CTNNA3: variants seen among roughly 807,000 people sequenced by gnomAD.
CTNNA3 encodes catenin alpha-3.
CTNNA3 carries 76 observed loss-of-function variants against 95.7 expected under a neutral mutation model. The ratio of observed to expected loss-of-function variants is 0.79; its 90% CI spans 0.66 to 0.96. The LOEUF (loss-of-function observed/expected upper bound fraction) is 0.96. CTNNA3 is among the 40% of genes least tolerant of loss of function. CTNNA3 has a pLI of 0.00. For synonymous variants in CTNNA3, 431 were observed against 374.4 expected (o/e 1.15, Z -1.74); for missense variants, 1,191 against 1,089.8 (o/e 1.09, Z -1.31).
chr10:65,944,492 C>A (rs1272015137), intron 17 of CTNNA3, among the ~76,000 whole-genome samples: 1 of 152,198 alleles, frequency 6.6e-6, no homozygotes, highest in African/African-American at 2.4e-5. Context: ...CATAATTTAT[C>A]TTCCAGAAAA....
rs550917158 is a variant in CTNNA3 at position 65,946,127 on chromosome 10, T to C, written c.2400+20485A>G. Among the ~76,000 whole-genome samples the C allele has an allele frequency of 9.2e-4, 140 of 152,296 alleles. 1 individual carries two copies. The highest frequency in any genetic ancestry group is 3.1e-3 in the African/African-American group (127 of 41,572). On this transcript the variant is annotated intron_variant, in intron 17 of 17. Transcript: ENST00000433211. ...TGTTAGACCTCTTTAAGTTGCAATT[T>C]TCATATCTATAAGATTGTAATAATA...
intron 5 of CTNNA3, among the ~76,000 whole-genome samples, chr10:67,393,483 C>A (rs760687248): frequency 6.6e-6 from 1 of 151,904 alleles, no homozygotes; most frequent in Non-Finnish European, 1.5e-5. Flanking sequence ...ATGTGTGGTG[C>A]CATATCGCTT....
chr10:66,742,364 G>A (rs963775623), intron 9 of CTNNA3, among the ~76,000 whole-genome samples: 1 of 152,144 alleles, frequency 6.6e-6, no homozygotes, highest in Non-Finnish European at 1.5e-5. Flanking sequence ...CTGATAAGAT[G>A]TTATCAATGA....
At chr10:66,823,898 T>C (rs1370107736) in intron 7 of CTNNA3, among the ~76,000 whole-genome samples, 1 of 152,102 alleles carries the variant, frequency 6.6e-6, no homozygotes, top group East Asian at 1.9e-4. Flanking sequence ...GGTAAAATAT[T>C]GGAGAGTTAC....
intron 9 of CTNNA3, among the ~76,000 whole-genome samples, chr10:66,654,406 T>C (rs1351781119): frequency 2.0e-5 from 3 of 152,122 alleles, no homozygotes; most frequent in Non-Finnish European, 4.4e-5. Flanking sequence ...CAATGAGCTA[T>C]ATCACCTTAT....
Position 66,557,041 on chromosome 10 carries a change from A to T in CTNNA3, c.1375-36268T>A, listed in dbSNP as rs958051011. On this transcript the variant is annotated intron_variant, in intron 10 of 17. Transcript: ENST00000433211. The stretch of plus-strand genomic sequence containing the variant: ...TAGCATTTAAAATAATACAACTGCA[A>T]TTTTTTTTCATTTTCATAGTCATAT... Among the ~76,000 whole-genome samples the T allele has an allele frequency of 4.6e-5, 7 of 151,852 alleles. 1 individual carries two copies. Among genetic ancestry groups the T allele is most frequent in the Middle Eastern group, 6.8e-3 (2 of 294 alleles).
chr10:66,776,144 C>A (rs1442732751), intron 7 of CTNNA3, among the ~76,000 whole-genome samples: 1 of 152,084 alleles, frequency 6.6e-6, no homozygotes, highest in Non-Finnish European at 1.5e-5. Context: ...TATCCTTAAC[C>A]TAAATCTTTA....
At chr10:67,306,043 G>A (rs758237653) in intron 5 of CTNNA3, among the ~76,000 whole-genome samples, 1 of 152,130 alleles carries the variant, frequency 6.6e-6, no homozygotes, top group African/African-American at 2.4e-5. Context: ...GAAGTGGGGT[G>A]GAACTAGAAG....
chr10:67,445,007 C>T (rs1328020588), intron 5 of CTNNA3, among the ~76,000 whole-genome samples: 2 of 151,514 alleles, frequency 1.3e-5, no homozygotes, highest in Admixed American at 6.6e-5. Flanking sequence ...TTATGAAGAA[C>T]AAATAATCAG....
chr10:66,128,795 T>A (rs766396038), intron 13 of CTNNA3, among the ~76,000 whole-genome samples: 1 of 152,132 alleles, frequency 6.6e-6, no homozygotes, highest in African/African-American at 2.4e-5. Flanking sequence ...AAATTATGTG[T>A]CAATGTAGGT....
chr10:66,794,868 C>T (rs1841126797), intron 7 of CTNNA3, among the ~76,000 whole-genome samples: 1 of 107,224 alleles, frequency 9.3e-6, no homozygotes, highest in Non-Finnish European at 1.8e-5. Flanking sequence ...CACCAGGACT[C>T]GATTGCATCT....
chr10:67,441,464 A>G (rs570069544), intron 5 of CTNNA3, among the ~76,000 whole-genome samples: 1 of 152,244 alleles, frequency 6.6e-6, no homozygotes, highest in Non-Finnish European at 1.5e-5. Flanking sequence ...CAAGAAGACT[A>G]TAGAACACCA....
chr10:66,738,356 A>T (rs1180736885), intron 9 of CTNNA3, among the ~76,000 whole-genome samples: 2 of 152,122 alleles, frequency 1.3e-5, no homozygotes, highest in Admixed American at 6.6e-5. Flanking sequence ...TCCAATGAAT[A>T]CTTTTATCAG....
chr10:67,649,612 C>T (rs1437632085), intron 1 of CTNNA3, among the ~76,000 whole-genome samples: 1 of 152,054 alleles, frequency 6.6e-6, no homozygotes, highest in Admixed American at 6.6e-5. Flanking sequence ...TAAATAAATG[C>T]TATTTCTTAT....
At chr10:67,041,239 T>C (rs1256444314) in intron 7 of CTNNA3, among the ~76,000 whole-genome samples, 1 of 152,100 alleles carries the variant, frequency 6.6e-6, no homozygotes, top group Non-Finnish European at 1.5e-5. Flanking sequence ...TGTGATGAGC[T>C]AGTGTTAGAA....
At chr10:67,052,281 A>T (rs1021040705) in intron 7 of CTNNA3, among the ~76,000 whole-genome samples, 1 of 150,976 alleles carries the variant, frequency 6.6e-6, no homozygotes, top group Non-Finnish European at 1.5e-5. Context: ...TCAAGGTGGG[A>T]TAACACAGAA....
intron 7 of CTNNA3, among the ~76,000 whole-genome samples, chr10:66,865,417 T>C (rs557165801): frequency 6.6e-6 from 1 of 152,230 alleles, no homozygotes; most frequent in Admixed American, 6.6e-5. Flanking sequence ...GAATCAGTCC[T>C]GAACAGTAAA....
At chr10:66,153,463 T>C (rs759329150) in intron 13 of CTNNA3, among the ~76,000 whole-genome samples, 20 of 152,080 alleles carry the variant, frequency 1.3e-4, no homozygotes, top group Non-Finnish European at 2.1e-4. Flanking sequence ...TTTGTGTGCC[T>C]ATGGAGGGAG....
intron 9 of CTNNA3, among the ~76,000 whole-genome samples, chr10:66,682,262 CA>C (rs1247103530): frequency 6.6e-6 from 1 of 152,078 alleles, no homozygotes; most frequent in Non-Finnish European, 1.5e-5. Context: ...CGGACTCTGT[CA>C]AGACTAGTAT....
Sources: allele counts gnomAD v4.1 joint callset (sites outside exome capture counted in the v4.1 genomes callset), GRCh38; gene constraint gnomAD v4.1.1; transcripts MANE v1.5; gene names NCBI Gene and HGNC (gene_info 2026-07-23, HGNC 2026-07-21).